The following GRIK4 variants were observed in gnomAD, a reference collection of about 807,000 sequenced individuals.
The protein encoded by GRIK4 is glutamate receptor ionotropic, kainate 4.
GRIK4 carries 40 observed loss-of-function variants against 104.9 expected under a neutral mutation model. The ratio of observed to expected loss-of-function variants is 0.38; its 90% CI spans 0.30 to 0.50. GRIK4 has a LOEUF of 0.50. GRIK4 is among the 20% of genes least tolerant of loss of function. The pLI, the probability that GRIK4 is intolerant of heterozygous loss-of-function variation, is 0.93. For synonymous variants in GRIK4, 485 were observed against 524.9 expected, an observed-to-expected ratio of 0.92 and a Z score of 1.04; for missense variants, 1,047 against 1,308.1, an observed-to-expected ratio of 0.80 and a Z score of 3.08.
chr11:120,936,236 C>T (rs557064406), intron 13 of GRIK4: 6 of 453,764 alleles, frequency 1.3e-5, no homozygotes, highest in Admixed American at 4.9e-5. Context: ...TTCATATGGC[C>T]GCTAGTCATC....
chr11:120,964,379 G>A (rs1944347850), intron 18 of GRIK4, among the ~76,000 whole-genome samples: 1 of 152,170 alleles, frequency 6.6e-6, no homozygotes, highest in African/African-American at 2.4e-5. Context: ...GTAAATTATG[G>A]CACTAGGAGT....
intron 3 of GRIK4, among the ~76,000 whole-genome samples, chr11:120,713,738 G>T (rs768069141): frequency 2.2e-4 from 33 of 152,148 alleles, no homozygotes; most frequent in Non-Finnish European, 4.1e-4. Flanking sequence ...AGTTGCTAAG[G>T]TTGCCCTAAG....
At chr11:120,768,156 T>A (rs1951871705) in intron 3 of GRIK4, among the ~76,000 whole-genome samples, 1 of 152,134 alleles carries the variant, frequency 6.6e-6, no homozygotes, top group Non-Finnish European at 1.5e-5. Flanking sequence ...ATGGGCATTT[T>A]AACAATATTA....
chr11:120,536,440 C>A (rs1168919140), intron 1 of GRIK4, among the ~76,000 whole-genome samples: 1 of 152,212 alleles, frequency 6.6e-6, no homozygotes, highest in East Asian at 1.9e-4. Flanking sequence ...AGCTGTACAT[C>A]GCCCTGGGCT....
intron 4 of GRIK4, among the ~76,000 whole-genome samples, chr11:120,810,862 G>A (rs573411543): frequency 1.4e-4 from 22 of 152,096 alleles, no homozygotes; most frequent in South Asian, 2.1e-4. Flanking sequence ...TGAAAACTGC[G>A]GTGATTTCTG....
At chr11:120,924,941 C>T (rs1022715629) in intron 13 of GRIK4, among the ~76,000 whole-genome samples, 4 of 152,190 alleles carry the variant, frequency 2.6e-5, no homozygotes, top group East Asian at 1.9e-4. Context: ...GTGGTTTCAA[C>T]GTGTGCACAT....
chr11:120,736,238 G>A (rs1028579336), intron 3 of GRIK4, among the ~76,000 whole-genome samples: 5 of 152,112 alleles, frequency 3.3e-5, no homozygotes, highest in Non-Finnish European at 7.4e-5. Flanking sequence ...TGGGAGCCAG[G>A]GCCGGGAATG....
chr11:120,588,918 A>C (rs1018871018), intron 1 of GRIK4, among the ~76,000 whole-genome samples: 4 of 152,130 alleles, frequency 2.6e-5, no homozygotes, highest in African/African-American at 7.2e-5. Context: ...AAGAGTGCAA[A>C]TGTTGGCTGG....
Position 120,762,781 on chromosome 11 carries a change from A to C in GRIK4, c.83-39912A>C, listed in dbSNP as rs142891729. Among the ~76,000 whole-genome samples, 178 of 152,328 alleles carry C rather than the reference A, an allele frequency of 1.2e-3. 1 individual carries two copies. The highest frequency in any genetic ancestry group is 4.0e-3 in the African/African-American group (165 of 41,586). ...ATTGAACCAGCCTTGCATCCCAGGG[A>C]TGAAGCCAACTTGATCATGGTGGAT... is the stretch of plus-strand genomic sequence containing the variant. On this transcript the variant is annotated intron_variant, in intron 3 of 20. Coordinates refer to ENST00000527524, the MANE Select transcript of GRIK4 (RefSeq NM_014619.5).
At chr11:120,817,056 AG>A (rs1228110030) in intron 5 of GRIK4, among the ~76,000 whole-genome samples, 1 of 152,180 alleles carries the variant, frequency 6.6e-6, no homozygotes, top group Non-Finnish European at 1.5e-5. Context: ...TTATTGTAGC[AG>A]TGGCTCTGAT....
intron 4 of GRIK4, among the ~76,000 whole-genome samples, chr11:120,805,106 A>G (rs1243216414): frequency 6.6e-6 from 1 of 152,202 alleles, no homozygotes; most frequent in African/African-American, 2.4e-5. Flanking sequence ...GTTGTCATAG[A>G]GGTTAATTTC....
chr11:120,776,510 A>G (rs890923350), intron 3 of GRIK4, among the ~76,000 whole-genome samples: 1 of 152,236 alleles, frequency 6.6e-6, no homozygotes, highest in African/African-American at 2.4e-5. Flanking sequence ...AGATCACTGG[A>G]TGCTCTCAGA....
At chr11:120,864,483 G>A (rs565402698) in intron 9 of GRIK4, among the ~76,000 whole-genome samples, 498 of 152,076 alleles carry the variant, frequency 3.3e-3, no homozygotes, top group African/African-American at 0.011. Flanking sequence ...TTCGTGATCC[G>A]CCCGCCTCGG....
chr11:120,576,692 G>A (rs1270132773), intron 1 of GRIK4: 2 of 152,450 alleles, frequency 1.3e-5, no homozygotes, highest in African/African-American at 4.8e-5. Flanking sequence ...ACCCTAGACA[G>A]GGGCAGGTGG....
intron 8 of GRIK4, among the ~76,000 whole-genome samples, chr11:120,855,564 CTT>C (rs10717552): frequency 5.7e-4 from 83 of 145,054 alleles, no homozygotes; most frequent in African/African-American, 1.0e-3. Context: ...CTTATGGTGA[CTT>C]TTTTTTTTTT....
In GRIK4 at chr11:120,516,620, C is replaced by T. The variant is rs76910616; in HGVS notation, c.-159+4733C>T. Among the ~76,000 whole-genome samples, 604 of 151,864 alleles carry T rather than the reference C, an allele frequency of 4.0e-3. 12 individuals carry two copies. In the East Asian group the frequency reaches 0.052, roughly 13 times the overall value. On this transcript the variant is annotated intron_variant, in intron 1 of 20. Transcript: ENST00000527524. ...TGGGCAGAGGAGTGCTGTGCAGAAGCGCGGGTTGAGGGCTGGGCCTGGGCG... is the reference window on the plus strand; with the variant it reads ...TGGGCAGAGGAGTGCTGTGCAGAAGTGCGGGTTGAGGGCTGGGCCTGGGCG...
intron 3 of GRIK4, among the ~76,000 whole-genome samples, chr11:120,791,899 A>G (rs529865455): frequency 9.0e-4 from 137 of 152,284 alleles, no homozygotes; most frequent in South Asian, 4.4e-3. Context: ...TCAAAGTAGT[A>G]ATTATGAAGG....
intron 3 of GRIK4, among the ~76,000 whole-genome samples, chr11:120,734,303 C>A (rs1951187180): frequency 6.6e-6 from 1 of 152,162 alleles, no homozygotes; most frequent in Admixed American, 6.5e-5. Context: ...GATATTTTCA[C>A]TGAATATATT....
chr11:120,786,589 G>A (rs1565351477), intron 3 of GRIK4, among the ~76,000 whole-genome samples: 1 of 151,992 alleles, frequency 6.6e-6, no homozygotes, highest in Non-Finnish European at 1.5e-5. Context: ...CCTTGCTTCT[G>A]GCTGTGCCCT....
Sources: allele counts gnomAD v4.1 joint callset (sites outside exome capture counted in the v4.1 genomes callset), GRCh38; gene constraint gnomAD v4.1.1; transcripts MANE v1.5; gene names NCBI Gene and HGNC (gene_info 2026-07-23, HGNC 2026-07-21).